Variants in CASZ1 observed in about 807,000 individuals in gnomAD.
CASZ1 encodes castor zinc finger 1.
In CASZ1, 28 loss-of-function variants were observed where a neutral mutation model predicts 135.2. That is an observed-to-expected ratio of 0.21 (90% CI 0.15 to 0.28). The LOEUF (loss-of-function observed/expected upper bound fraction) is 0.28. Ranked by LOEUF, CASZ1 falls within the 10% of genes least tolerant of loss-of-function variation. CASZ1 has a pLI of 1.00. For missense variants in CASZ1, 2,161 were observed against 2,453.3 expected (o/e 0.88, Z 2.52); for synonymous variants, 1,068 against 1,073.4 (o/e 0.99, Z 0.10).
intron 1 of CASZ1, among the ~76,000 whole-genome samples, chr1:10,780,593 G>GA (rs1330062490): frequency 1.3e-5 from 2 of 152,136 alleles, no homozygotes; most frequent in African/African-American, 4.8e-5. Context: ...CCAAACGGGG[G>GA]AAAAACACTA....
rs761989358 is a variant in CASZ1, at chr1:10,648,010, C to T, written c.3288G>A (p.Thr1096=). 2.6e-5 allele frequency: 42 copies of T among 1,600,736 alleles called. No individual in the cohort carries two copies. The East Asian group carries it at 5.2e-4, about 20-fold the overall frequency. The change falls in exon 16 of 21, where the codon ACG becomes ACA. Residue 1096 remains threonine (T), a synonymous_variant. Transcript: ENST00000377022. ...GAGCGGGCCCCTCCAGAGAGGACACCGTGGCCGTGGTGACAGGAGGGACCG... is the reference window on the plus strand; with the variant it reads ...GAGCGGGCCCCTCCAGAGAGGACACTGTGGCCGTGGTGACAGGAGGGACCG... ...SPPVPPVTTA[T]VSSLEGPAPS...
At chr1:10,698,551 A>T (rs897983108) in intron 3 of CASZ1, among the ~76,000 whole-genome samples, 2 of 61,198 alleles carry the variant, frequency 3.3e-5, no homozygotes, top group East Asian at 7.1e-4. Context: ...TATTTCAGAG[A>T]AAAAGAAAGG....
intron 4 of CASZ1, among the ~76,000 whole-genome samples, chr1:10,684,892 C>T (rs965065906): frequency 2.0e-5 from 3 of 152,188 alleles, no homozygotes; most frequent in Non-Finnish European, 2.9e-5. Context: ...CTGAGAGGGA[C>T]GCTGAGCACA....
Position 10,639,014 on chromosome 1 carries a change from C to CCGCGCG in CASZ1, c.5202_5207dup (p.Ala1735_Arg1736dup). 2.0e-6 allele frequency: 2 copies of CCGCGCG among 997,264 alleles called. No individual in the cohort carries two copies. Among genetic ancestry groups the CCGCGCG allele is most frequent in the Non-Finnish European group, 2.4e-6 (2 of 836,240 alleles). The allele number at this position is 997,264 out of a possible 1,614,324, so 61.8% of individuals were successfully genotyped here. A position where few individuals can be genotyped will look rare whatever the true frequency, so the allele number is the denominator to read the frequency against. On this transcript the variant is annotated inframe_insertion, in exon 21 of 21. Coordinates refer to ENST00000377022, the MANE Select transcript of CASZ1 (RefSeq NM_001079843.3). This position sits in a 1 kb window ranked among gnomAD's most constrained non-coding sequence, Gnocchi z 4.0. ...CCGCCAGCGCCGCCAAGGCCGGGGT[C>CCGCGCG]CGCGCGCCCGCGCCCGCCGCCTCCG...
chr1:10,773,954 C>G (rs1035691901), intron 1 of CASZ1, among the ~76,000 whole-genome samples: 1 of 152,168 alleles, frequency 6.6e-6, no homozygotes, highest in African/African-American at 2.4e-5. Flanking sequence ...TCAGAGCAGA[C>G]GAGTAGACAA....
In CASZ1 at chr1:10,660,027, A is replaced by T; in HGVS notation, c.1015T>A (p.Tyr339Asn). The T allele has an allele frequency of 6.2e-7, 1 of 1,614,138 alleles. No individual in the cohort carries two copies. The highest frequency in any genetic ancestry group is 8.5e-7 in the Non-Finnish European group (1 of 1,180,004). The change falls in exon 6 of 21, where the codon TAC (tyrosine) becomes AAC (asparagine). Residue 339 changes from tyrosine to asparagine, a missense_variant. Physicochemically the swap from Tyr to Asn is moderately radical, Grantham distance 143. Transcript: ENST00000377022. The part of the protein sequence containing the change: ...NGSTYKKPSK[Y>N]DLENVKYLHL... ...AGGTACTTGACATTCTCCAGGTCGT[A>T]CTTGGATGGCTTCTTGTAGGTGCTC...
chr1:10,638,277 G>A lies in CASZ1; in HGVS notation c.*665C>T, dbSNP rs1188094699. On this transcript the variant is annotated 3_prime_UTR_variant, in exon 21 of 21. Transcript: ENST00000377022. The surrounding 1 kb of genome is among the most constrained non-coding windows in gnomAD (Gnocchi z 5.9). ...GCCCCGGCCCCCAGCGGGCTACTCT[G>A]GGTTTTGGACGCAGCCTCGGTTTCC... 1 of 152,266 alleles carries A rather than the reference G, an allele frequency of 6.6e-6. No individual in the cohort carries two copies. The highest frequency in any genetic ancestry group is 2.4e-5 in the African/African-American group (1 of 41,444). The allele number at this position is 152,266 out of a possible 1,614,324, so 9.4% of individuals were successfully genotyped here. A position where few individuals can be genotyped will look rare whatever the true frequency, so the allele number is the denominator to read the frequency against.
At chr1:10,678,431 G>A (rs982046828) in intron 4 of CASZ1, among the ~76,000 whole-genome samples, 3 of 151,220 alleles carry the variant, frequency 2.0e-5, no homozygotes, top group Non-Finnish European at 4.4e-5. Context: ...GGGGTGGGGG[G>A]GTCTGTTCCA....
intron 20 of CASZ1, among the ~76,000 whole-genome samples, chr1:10,641,550 C>T (rs1642202271): frequency 6.6e-6 from 1 of 152,240 alleles, no homozygotes. Context: ...TCCCTTACTG[C>T]TCAGCTTTGG....
rs2100457377 is a variant in CASZ1, at chr1:10,711,214, C to T, written c.-76-5670G>A. On this transcript the variant is annotated intron_variant, in intron 2 of 20. Transcript: ENST00000377022. The surrounding 1 kb of genome is among the most constrained non-coding windows in gnomAD (Gnocchi z 4.4). The stretch of plus-strand genomic sequence containing the variant: ...GAATCCTGCCTCTGCTGCCTCCTGC[C>T]ATGCAATTGGGTACGCAGGCTGCTT... Among the ~76,000 whole-genome samples the T allele has an allele frequency of 6.6e-6, 1 of 152,346 alleles. No homozygotes were observed. Among genetic ancestry groups the T allele is most frequent in the South Asian group, 2.1e-4 (1 of 4,826 alleles).
In CASZ1 at chr1:10,694,002, C is replaced by T; in HGVS notation, c.-23-90G>A. ...CCCCGGCCGCCCGCCCTGCTTGTCCCCCGCCCCGCAGGAGCGGCCCGTCCC... is the reference window on the plus strand; with the variant it reads ...CCCCGGCCGCCCGCCCTGCTTGTCCTCCGCCCCGCAGGAGCGGCCCGTCCC... On this transcript the variant is annotated intron_variant, in intron 3 of 20. Coordinates refer to ENST00000377022, the MANE Select transcript of CASZ1 (RefSeq NM_001079843.3). This position sits in a 1 kb window ranked among gnomAD's most constrained non-coding sequence, Gnocchi z 6.6. The T allele has an allele frequency of 7.6e-7, 1 of 1,313,416 alleles. No homozygotes were observed. 81.4% of individuals were successfully genotyped at this position (1,313,416 alleles called of 1,614,324 possible). A position where few individuals can be genotyped will look rare whatever the true frequency, so the allele number is the denominator to read the frequency against.
At position 10,639,394 on chromosome 1, in the gene CASZ1, G is replaced by GCGCGGGGCCCTCTGC. The variant is rs1425058018; in HGVS notation, c.4813_4827dup (p.Ala1605_Ala1609dup). The GCGCGGGGCCCTCTGC allele has an allele frequency of 1.6e-5, 24 of 1,546,226 alleles. No individual in the cohort carries two copies. The East Asian group carries it at 5.4e-4, about 35-fold the overall frequency. On this transcript the variant is annotated inframe_insertion, in exon 21 of 21. Coordinates refer to ENST00000377022, the MANE Select transcript of CASZ1 (RefSeq NM_001079843.3). This position sits in a 1 kb window ranked among gnomAD's most constrained non-coding sequence, Gnocchi z 4.0. ...CCGTCCAGACTGATGGGAGGCCCGG[G>GCGCGGGGCCCTCTGC]CGCGGGGCCCTCTGCCGCGGGCTCG...
intron 1 of CASZ1, among the ~76,000 whole-genome samples, chr1:10,766,384 C>A (rs924191188): frequency 5.9e-5 from 9 of 152,192 alleles, no homozygotes; most frequent in South Asian, 2.1e-4. Flanking sequence ...CTCAGTTTCT[C>A]CATCAGTAAA....
intron 9 of CASZ1, among the ~76,000 whole-genome samples, chr1:10,655,134 T>G (rs1642744486): frequency 6.6e-6 from 1 of 151,746 alleles, no homozygotes; most frequent in Non-Finnish European, 1.5e-5. Flanking sequence ...CTGCACCATC[T>G]CAGAGCCCAG....
intron 4 of CASZ1, among the ~76,000 whole-genome samples, chr1:10,692,668 C>T (rs760147944): frequency 6.6e-6 from 1 of 152,244 alleles, no homozygotes; most frequent in Non-Finnish European, 1.5e-5. Context: ...ACACCTCCCC[C>T]CAACAAACAC....
intron 1 of CASZ1, among the ~76,000 whole-genome samples, chr1:10,773,518 C>A (rs537549195): frequency 6.6e-6 from 1 of 151,884 alleles, no homozygotes; most frequent in Non-Finnish European, 1.5e-5. Context: ...AATGGGCGAG[C>A]GGGGGTTCCG....
intron 2 of CASZ1, among the ~76,000 whole-genome samples, chr1:10,729,418 C>T (rs557751099): frequency 6.6e-6 from 1 of 152,174 alleles, no homozygotes; most frequent in Non-Finnish European, 1.5e-5. Flanking sequence ...TCCCCCACCC[C>T]CTTAGCTATC....
intron 2 of CASZ1, among the ~76,000 whole-genome samples, chr1:10,737,372 C>G (rs866296315): frequency 3.1e-5 from 2 of 64,958 alleles, no homozygotes; most frequent in African/African-American, 8.7e-5. Context: ...CCTGGAGGGG[C>G]CTTCAGAAGT....
At chr1:10,674,141 C>T (rs1643491000) in intron 4 of CASZ1, among the ~76,000 whole-genome samples, 1 of 152,242 alleles carries the variant, frequency 6.6e-6, no homozygotes, top group East Asian at 1.9e-4. Context: ...GGTGCCCCTG[C>T]ACTAGAAGCA....
Sources: allele counts gnomAD v4.1 joint callset (sites outside exome capture counted in the v4.1 genomes callset), GRCh38; gene constraint gnomAD v4.1.1; non-coding constraint Gnocchi (gnomAD v3.1); transcripts MANE v1.5; gene names NCBI Gene and HGNC (gene_info 2026-07-23, HGNC 2026-07-21).